The following NBPF9 variants were observed in gnomAD, a reference collection of about 807,000 sequenced individuals.
NBPF9 encodes the protein NBPF family member NBPF9.
NBPF9 carries 91 observed loss-of-function variants against 97.8 expected under a neutral mutation model. That is an observed-to-expected ratio of 0.93 (90% CI 0.79 to 1.11). The LOEUF is 1.11. NBPF9 is among the 50% of genes least tolerant of loss of function. NBPF9 has a pLI of 0.00. For missense variants in NBPF9, 992 were observed against 939.5 expected (o/e 1.06, Z -0.73); for synonymous variants, 334 against 359.5 (o/e 0.93, Z 0.80).
intron 9 of NBPF9, among the ~76,000 whole-genome samples, chr1:149,078,740 T>C (rs587662167): frequency 7.2e-6 from 1 of 138,568 alleles, no homozygotes; most frequent in African/African-American, 2.7e-5. Flanking sequence ...CACAGCCTCC[T>C]TCCTGTCCTT....
At chr1:149,072,654 A>C (rs1479565170) in intron 14 of NBPF9, 64 bp downstream of exon 14, 1 of 1,538,898 alleles carries the variant, frequency 6.5e-7, no homozygotes, top group Non-Finnish European at 9.0e-7. Flanking sequence ...TTGTGAAAGT[A>C]TGGAGGTCTG....
intron 11 of NBPF9, among the ~76,000 whole-genome samples, chr1:149,076,404 A>G (rs1284167531): frequency 1.3e-5 from 2 of 150,900 alleles, no homozygotes; most frequent in African/African-American, 4.8e-5. Flanking sequence ...GCCATCTTGG[A>G]CAGGCTGGTT....
intron 12 of NBPF9, among the ~76,000 whole-genome samples, chr1:149,074,456 TA>T (rs1217963278): frequency 3.3e-5 from 5 of 151,584 alleles, no homozygotes; most frequent in African/African-American, 1.2e-4. Flanking sequence ...TGTGTTAATT[TA>T]GAAACAGCAG....
intron 5 of NBPF9, among the ~76,000 whole-genome samples, chr1:149,083,129 G>T (rs2080670879): frequency 6.6e-6 from 1 of 151,050 alleles, no homozygotes; most frequent in Non-Finnish European, 1.5e-5. Flanking sequence ...ACTCAGGTGG[G>T]TATATATGCC....
chr1:149,087,268 GTATA>G (rs200881375), intron 5 of NBPF9, among the ~76,000 whole-genome samples: 2 of 145,984 alleles, frequency 1.4e-5, no homozygotes, highest in African/African-American at 5.1e-5. Context: ...GTGTGTGTCT[GTATA>G]TATATATATA....
chr1:149,065,896 C>T, intron 17 of NBPF9: 3 of 699,502 alleles, frequency 4.3e-6, no homozygotes, highest in Non-Finnish European at 4.7e-6. Context: ...GCAGCGTGTG[C>T]TCAGTACATT....
At position 149,055,823 on chromosome 1, in the gene NBPF9, A is replaced by G. The variant is rs782369997; in HGVS notation, c.3169T>C (p.Ser1057Pro). Residue 1057 changes from serine (S) to proline (P), a missense_variant, in exon 30 of 30, where the codon TCA (serine) becomes CCA (proline). By Grantham distance (74) the Ser-to-Pro change is moderately conservative (BLOSUM62 -1). Transcript: ENST00000584027. ...GAGTCAGGTAGTTCAAAGTACATTG[A>G]CGGAGTAGAATAACATCCATCCAGT... is the stretch of plus-strand genomic sequence containing the variant. 38 of 1,606,616 alleles carry G rather than the reference A, an allele frequency of 2.4e-5. 1 individual carries two copies. In the African/African-American group the frequency reaches 3.3e-4, roughly 14 times the overall value.
At chr1:149,089,880 G>C (rs587672075) in intron 5 of NBPF9, among the ~76,000 whole-genome samples, 1 of 152,218 alleles carries the variant, frequency 6.6e-6, no homozygotes, top group Non-Finnish European at 1.5e-5. Flanking sequence ...CTGAGGGAAG[G>C]TGCAAGAGAA....
chr1:149,054,914 T>A (rs1261983094), exon 30 of NBPF9: 7 of 151,232 alleles, frequency 4.6e-5, no homozygotes, highest in African/African-American at 1.5e-4. Flanking sequence ...CTAAGCGTTT[T>A]CTGCAAGAAC....
chr1:149,055,810 T>C (rs782724641), exon 30 of NBPF9: 3 of 1,610,294 alleles, frequency 1.9e-6, no homozygotes, highest in Admixed American at 1.7e-5. Flanking sequence ...GTCAGGTAGT[T>C]CAAAGTACAT....
At position 149,072,678 on chromosome 1, in the gene NBPF9, G is replaced by A. The variant is rs372175083; in HGVS notation, c.1306+40C>T. On this transcript the variant is annotated intron_variant, in intron 14 of 29. Coordinates refer to ENST00000584027, the Ensembl canonical transcript of NBPF9. ...TATGGAGGTCTGGAGCCTCTCATAA[G>A]CCTGGGGTTTTGGGTCAACAGGGCC... The A allele has an allele frequency of 6.2e-5, 99 of 1,606,168 alleles. 2 individuals are homozygous for A. In the East Asian group the frequency reaches 1.4e-3, roughly 22 times the overall value.
intron 24 of NBPF9, chr1:149,060,015 T>A: frequency 2.7e-6 from 1 of 373,928 alleles, no homozygotes; most frequent in South Asian, 3.2e-5. Context: ...AATGTCCCTA[T>A]TCTAGTAGAT....
intron 5 of NBPF9, among the ~76,000 whole-genome samples, chr1:149,082,957 C>CTTTTTTTTTTTTTTTTT (rs1157992196): frequency 2.3e-3 from 151 of 66,454 alleles, no homozygotes; most frequent in East Asian, 4.3e-3. Context: ...TTTTTCTTTT[C>CTTTTTTTTTTTTTTTTT]TTTTTTTTTT....
At chr1:149,076,361 T>A (rs2079868365) in intron 11 of NBPF9, among the ~76,000 whole-genome samples, 1 of 151,070 alleles carries the variant, frequency 6.6e-6, no homozygotes, top group Non-Finnish European at 1.5e-5. Flanking sequence ...ACATGCCAGC[T>A]AATTTTTGTA....
intron 26 of NBPF9, 105 bp from the exon 27 acceptor site, chr1:149,058,320 A>T (rs1575821876): frequency 2.2e-6 from 1 of 453,936 alleles, no homozygotes; most frequent in East Asian, 7.6e-5. Context: ...CCTCAGCATG[A>T]GAACAGGACA....
At chr1:149,064,973 C>T in intron 18 of NBPF9, 1 of 535,360 alleles carries the variant, frequency 1.9e-6, no homozygotes, top group Middle Eastern at 5.2e-4. Context: ...AAAAGTCAGC[C>T]ATTTATCTAG....
chr1:149,070,321 A>T (rs1303887705), intron 16 of NBPF9, among the ~76,000 whole-genome samples: 1 of 16,422 alleles, frequency 6.1e-5, no homozygotes, highest in African/African-American at 3.3e-4. Flanking sequence ...ACTCCATCGC[A>T]AAAAAAAAAA....
chr1:149,071,479 A>G (rs2152892046), intron 15 of NBPF9, 125 bp downstream of exon 15: 3 of 1,231,892 alleles, frequency 2.4e-6, no homozygotes, highest in Non-Finnish European at 3.5e-6. Flanking sequence ...GCTGGGTTCA[A>G]TTTCACATAC....
chr1:149,080,522 T>C (rs1411148003), intron 7 of NBPF9, among the ~76,000 whole-genome samples: 3 of 151,066 alleles, frequency 2.0e-5, no homozygotes, highest in African/African-American at 4.9e-5. Context: ...AGTGATTTCT[T>C]GTACAGTCGG....
Sources: gnomAD v4.1 joint callset for allele counts (sites outside exome capture counted in the v4.1 genomes callset) on GRCh38, gnomAD v4.1.1 for gene constraint, MANE v1.5 for transcripts, NCBI Gene and HGNC (gene_info 2026-07-23, HGNC 2026-07-21) for gene names.